GPC6: variants seen among roughly 807,000 people sequenced by gnomAD.
The protein encoded by GPC6 is glypican 6.
Under a neutral mutation model 55.2 loss-of-function variants are expected in GPC6, and 14 were observed. The ratio of observed to expected loss-of-function variants is 0.25; its 90% CI spans 0.17 to 0.40. GPC6 has a LOEUF of 0.40. Ranked by LOEUF, GPC6 falls within the 10% of genes least tolerant of loss-of-function variation. The pLI is 1.00. For missense variants in GPC6, 641 were observed against 708.5 expected (o/e 0.90, Z 1.08); for synonymous variants, 278 against 259.6 (o/e 1.07, Z -0.68).
chr13:93,863,741 A>G (rs1471255797), intron 3 of GPC6, among the ~76,000 whole-genome samples: 1 of 151,604 alleles, frequency 6.6e-6, no homozygotes, highest in Non-Finnish European at 1.5e-5. Context: ...CAGTTTCCCA[A>G]TACCAGAGTA....
At chr13:94,212,982 C>T (rs1224281767) in intron 4 of GPC6, among the ~76,000 whole-genome samples, 1 of 152,106 alleles carries the variant, frequency 6.6e-6, no homozygotes, top group Non-Finnish European at 1.5e-5. Flanking sequence ...ATGGTGAAAC[C>T]CCGTCTCTAC....
At chr13:93,628,452 C>T (rs7335523) in intron 2 of GPC6, among the ~76,000 whole-genome samples, 6,345 of 152,226 alleles carry the variant, frequency 0.042, 452 homozygotes, top group African/African-American at 0.15. Flanking sequence ...TGCACCCTTT[C>T]GAAGGGGCTA....
Position 94,265,074 on chromosome 13 carries a change from A to G in GPC6, c.878-21275A>G, listed in dbSNP as rs72647609. Among the ~76,000 whole-genome samples, 466 of 152,274 alleles carry G rather than the reference A, an allele frequency of 3.1e-3. 1 individual carries two copies. Among genetic ancestry groups the G allele is most frequent in the Non-Finnish European group, 2.9e-3 (197 of 68,024 alleles). On this transcript the variant is annotated intron_variant, in intron 4 of 8. Coordinates refer to ENST00000377047, the MANE Select transcript of GPC6 (RefSeq NM_005708.5). Reference sequence around the variant, plus strand: ...AACTCAAGATGAGATTTTGGAGGGGACACTGCCAGACCATATCAACTTGTT... The same window carrying G: ...AACTCAAGATGAGATTTTGGAGGGGGCACTGCCAGACCATATCAACTTGTT...
At chr13:93,928,856 T>TACACACACACACACACACACACAC (rs10642875) in intron 3 of GPC6, among the ~76,000 whole-genome samples, 2 of 142,896 alleles carry the variant, frequency 1.4e-5, no homozygotes, top group Non-Finnish European at 3.0e-5. Flanking sequence ...CCCTGTGTGT[T>TACACACACACACACACACACACAC]ACACACACAC....
At chr13:94,196,783 C>T (rs1889590707) in intron 4 of GPC6, among the ~76,000 whole-genome samples, 1 of 152,180 alleles carries the variant, frequency 6.6e-6, no homozygotes, top group Admixed American at 6.5e-5. Context: ...ATAACTGCCA[C>T]ACAACCATAT....
At chr13:93,431,662 C>T (rs985844860) in intron 1 of GPC6, among the ~76,000 whole-genome samples, 1 of 151,996 alleles carries the variant, frequency 6.6e-6, no homozygotes, top group African/African-American at 2.4e-5. Context: ...ATATGAAAGC[C>T]ATCTCTGTGG....
intron 1 of GPC6, among the ~76,000 whole-genome samples, chr13:93,289,021 T>G (rs774959818): frequency 3.3e-5 from 5 of 152,162 alleles, no homozygotes; most frequent in Non-Finnish European, 7.4e-5. Flanking sequence ...TTTCACTATG[T>G]GGGGAAGTCC....
intron 4 of GPC6, among the ~76,000 whole-genome samples, chr13:94,249,370 CA>C (rs1375747505): frequency 6.6e-6 from 1 of 152,028 alleles, no homozygotes; most frequent in African/African-American, 2.4e-5. Flanking sequence ...AAGAGAGACT[CA>C]AAGGGATAGG....
chr13:93,759,339 A>T (rs1363797042), intron 2 of GPC6, among the ~76,000 whole-genome samples: 1 of 152,190 alleles, frequency 6.6e-6, no homozygotes, highest in African/African-American at 2.4e-5. Context: ...AAGCAAAGTG[A>T]CTAGAGAAGA....
intron 1 of GPC6, among the ~76,000 whole-genome samples, chr13:93,423,049 A>ATAC (rs1555298902): frequency 6.8e-6 from 1 of 147,886 alleles, no homozygotes; most frequent in African/African-American, 2.5e-5. Context: ...TGGTGGTCAC[A>ATAC]CCCCACCAGC....
intron 3 of GPC6, among the ~76,000 whole-genome samples, chr13:94,005,823 G>A (rs939978396): frequency 6.6e-6 from 1 of 152,028 alleles, no homozygotes; most frequent in Non-Finnish European, 1.5e-5. Context: ...AAGGAAAACT[G>A]CATATTTTCT....
chr13:94,107,107 G>T (rs1215897393), intron 4 of GPC6, among the ~76,000 whole-genome samples: 1 of 152,252 alleles, frequency 6.6e-6, no homozygotes, highest in African/African-American at 2.4e-5. Flanking sequence ...ACCGTGTTTT[G>T]GGGCCGGGTC....
chr13:93,589,891 A>C (rs9516257), intron 2 of GPC6, among the ~76,000 whole-genome samples: 131,484 of 152,116 alleles, frequency 0.86, 56,880 homozygotes, highest in Non-Finnish European at 0.88. Context: ...TAAAACACTT[A>C]TGCCTTAAGG....
chr13:94,033,912 T>A (rs1209115142), intron 4 of GPC6, among the ~76,000 whole-genome samples: 2 of 152,164 alleles, frequency 1.3e-5, no homozygotes, highest in African/African-American at 2.4e-5. Flanking sequence ...ACCCTGAAAT[T>A]GAGGAACAAA....
intron 1 of GPC6, among the ~76,000 whole-genome samples, chr13:93,290,855 T>C (rs1878296391): frequency 6.6e-6 from 1 of 152,178 alleles, no homozygotes; most frequent in East Asian, 1.9e-4. Flanking sequence ...AAAATGTATT[T>C]AAGGAAATAT....
intron 3 of GPC6, among the ~76,000 whole-genome samples, chr13:93,897,770 T>A (rs1449847658): frequency 6.6e-6 from 1 of 152,110 alleles, no homozygotes; most frequent in East Asian, 1.9e-4. Context: ...GTGAATGACT[T>A]AACTGTCAGA....
intron 4 of GPC6, among the ~76,000 whole-genome samples, chr13:94,149,082 T>G (rs1349062024): frequency 6.6e-6 from 1 of 152,194 alleles, no homozygotes; most frequent in Non-Finnish European, 1.5e-5. Context: ...ACACATTCCC[T>G]TTTTCATGGT....
At chr13:93,438,290 T>C (rs1341762293) in intron 1 of GPC6, among the ~76,000 whole-genome samples, 1 of 152,200 alleles carries the variant, frequency 6.6e-6, no homozygotes, top group African/African-American at 2.4e-5. Context: ...CAAATCTTAT[T>C]ATTTTAGAAA....
intron 4 of GPC6, among the ~76,000 whole-genome samples, chr13:94,159,858 A>T (rs1011700820): frequency 2.6e-5 from 4 of 152,170 alleles, no homozygotes; most frequent in Non-Finnish European, 5.9e-5. Flanking sequence ...TACCAATGTC[A>T]CCATTCTCTA....
Sources: gnomAD v4.1 joint callset for allele counts (sites outside exome capture counted in the v4.1 genomes callset) on GRCh38, gnomAD v4.1.1 for gene constraint, MANE v1.5 for transcripts, NCBI Gene and HGNC (gene_info 2026-07-23, HGNC 2026-07-21) for gene names.